Variants in SYK observed in about 807,000 individuals in gnomAD.
The protein encoded by SYK is spleen associated tyrosine kinase, also known as tyrosine-protein kinase SYK.
Under a neutral mutation model 77.8 loss-of-function variants are expected in SYK, and 16 were observed. The observed-to-expected ratio is 0.21, with a 90% CI of 0.14 to 0.31. The LOEUF (loss-of-function observed/expected upper bound fraction) is 0.31, where lower values mean the gene tolerates loss of function less well. SYK is among the 10% of genes least tolerant of loss of function. SYK has a pLI of 1.00. For synonymous variants in SYK, 312 were observed against 308.7 expected (o/e 1.01, Z -0.11); for missense variants, 529 against 814.4 (o/e 0.65, Z 4.26).
At chr9:90,841,154 TGTG>T (rs568997948) in intron 1 of SYK, among the ~76,000 whole-genome samples, 75 of 146,956 alleles carry the variant, frequency 5.1e-4, no homozygotes, top group African/African-American at 1.3e-3. Context: ...CATGTAGTGA[TGTG>T]GTGTGGTTTG....
chr9:90,825,091 A>T (rs1825627471), intron 1 of SYK, among the ~76,000 whole-genome samples: 1 of 150,910 alleles, frequency 6.6e-6, no homozygotes, highest in Non-Finnish European at 1.5e-5. Flanking sequence ...AATAAGAATA[A>T]TTACCATGTA....
chr9:90,814,942 T>C (rs1350541613), intron 1 of SYK, among the ~76,000 whole-genome samples: 60 of 152,196 alleles, frequency 3.9e-4, no homozygotes, highest in Non-Finnish European at 7.4e-5. Context: ...CTCCAAGCGG[T>C]AACACAGCCT....
At chr9:90,864,779 G>A (rs754316312) in intron 5 of SYK, 112 bp downstream of exon 5, 13 of 915,910 alleles carry the variant, frequency 1.4e-5, no homozygotes, top group African/African-American at 1.0e-4. Flanking sequence ...CTTTTTACGG[G>A]TTGATTAATA....
chr9:90,833,782 A>G lies in SYK; in HGVS notation c.-41-10076A>G, dbSNP rs546544821. On this transcript the variant is annotated intron_variant, in intron 1 of 13. Transcript: ENST00000375754. ...TTTAAAGGGCAAAGGTTGTATAGTC[A>G]GCTTTAGTCCTGGCATAGGGGAAAT... Among the ~76,000 whole-genome samples, 13 of 152,364 alleles carry G rather than the reference A, an allele frequency of 8.5e-5. No individual in the cohort carries two copies. The South Asian group carries it at 2.7e-3, about 32-fold the overall frequency.
intron 7 of SYK, among the ~76,000 whole-genome samples, chr9:90,867,995 G>A (rs1402079293): frequency 6.6e-6 from 1 of 151,966 alleles, no homozygotes; most frequent in Admixed American, 6.6e-5. Flanking sequence ...ATTACTTGGT[G>A]TTTTTACCGA....
intron 3 of SYK, among the ~76,000 whole-genome samples, chr9:90,858,935 G>A (rs936301677): frequency 6.6e-6 from 1 of 152,194 alleles, no homozygotes; most frequent in Non-Finnish European, 1.5e-5. Context: ...GGGATCGCCT[G>A]CAGAACCTGT....
At chr9:90,888,271 A>T (rs1828653214) in intron 12 of SYK, among the ~76,000 whole-genome samples, 1 of 152,174 alleles carries the variant, frequency 6.6e-6, no homozygotes, top group Non-Finnish European at 1.5e-5. Flanking sequence ...AATGAAACAT[A>T]CCCATGAAAT....
rs17568322 is a variant in SYK at position 90,879,993 on chromosome 9, C to T, written c.1581+1040C>T. 4.2e-3 allele frequency among the ~76,000 whole-genome samples: 633 copies of T among 152,302 alleles called. 5 individuals carry two copies. Among genetic ancestry groups the T allele is most frequent in the South Asian group, 0.036 (172 of 4,830 alleles). On this transcript the variant is annotated intron_variant, in intron 11 of 13. Coordinates refer to ENST00000375754, the MANE Select transcript of SYK (RefSeq NM_003177.7). ...GGGTCTATGTTAACCAACTGGAAAACGTGATGGCACCAATCCCACTGAGTC... is the reference window on the plus strand; with the variant it reads ...GGGTCTATGTTAACCAACTGGAAAATGTGATGGCACCAATCCCACTGAGTC...
chr9:90,870,743 A>G (rs1355379951), intron 7 of SYK, among the ~76,000 whole-genome samples: 2 of 152,158 alleles, frequency 1.3e-5, no homozygotes, highest in Non-Finnish European at 2.9e-5. Flanking sequence ...AATTCCACCA[A>G]AAAAAGGAAA....
chr9:90,857,793 A>C (rs12376537), intron 3 of SYK, among the ~76,000 whole-genome samples: 31,145 of 151,814 alleles, frequency 0.21, 3,562 homozygotes, highest in Middle Eastern at 0.33. Context: ...CCAACCCAGC[A>C]CAGGCCCCCT....
In SYK at chr9:90,895,440, C is replaced by T; in HGVS notation, c.1836-88C>T. Reference sequence around the variant, plus strand: ...AGTTAGCCACCAGGGAGCAGCACCACTGGTACTCAGCCTGCAGAGGCCCTG... The same window carrying T: ...AGTTAGCCACCAGGGAGCAGCACCATTGGTACTCAGCCTGCAGAGGCCCTG... On this transcript the variant is annotated intron_variant, in intron 13 of 13. Coordinates refer to ENST00000375754, the MANE Select transcript of SYK (RefSeq NM_003177.7). This position sits in a 1 kb window ranked among gnomAD's most constrained non-coding sequence, Gnocchi z 4.4. The T allele has an allele frequency of 7.1e-7, 1 of 1,404,064 alleles. No individual in the cohort carries two copies. The highest frequency in any genetic ancestry group is 2.3e-5 in the East Asian group (1 of 43,810). The allele number at this position is 1,404,064 out of a possible 1,614,324, so 87.0% of individuals were successfully genotyped here.
intron 1 of SYK, among the ~76,000 whole-genome samples, chr9:90,829,717 A>G (rs1247694190): frequency 6.6e-6 from 1 of 152,240 alleles, no homozygotes; most frequent in African/African-American, 2.4e-5. Context: ...CTCAACAAGC[A>G]TATTGAATGA....
intron 1 of SYK, among the ~76,000 whole-genome samples, chr9:90,832,584 G>C (rs776115227): frequency 6.6e-6 from 1 of 152,262 alleles, no homozygotes; most frequent in African/African-American, 2.4e-5. Context: ...TTAGCTCCAC[G>C]TACCTCTTCA....
intron 4 of SYK, among the ~76,000 whole-genome samples, 198 bp from the exon 5 acceptor site, chr9:90,864,391 C>A (rs1220461289): frequency 6.6e-6 from 1 of 152,172 alleles, no homozygotes; most frequent in East Asian, 1.9e-4. Context: ...AATTTGCTGC[C>A]CCTAGCCCAA....
rs188982824 is a variant in SYK at position 90,843,537 on chromosome 9, A to G, written c.-41-321A>G. Among the ~76,000 whole-genome samples, 1,053 of 152,244 alleles carry G rather than the reference A, an allele frequency of 6.9e-3. 6 individuals carry two copies. Among genetic ancestry groups the G allele is most frequent in the Non-Finnish European group, 9.8e-3 (666 of 68,020 alleles). On this transcript the variant is annotated intron_variant, in intron 1 of 13. Coordinates refer to ENST00000375754, the MANE Select transcript of SYK (RefSeq NM_003177.7). ...GTCAGCCCAAGAGTCCTGTTTTGCA[A>G]TAGCCCTTCTGTTTGCTTCTCTTTG...
intron 3 of SYK, among the ~76,000 whole-genome samples, chr9:90,857,679 A>G (rs1827095308): frequency 6.6e-6 from 1 of 152,132 alleles, no homozygotes. Flanking sequence ...GCTGACATAC[A>G]CACTGTTCAG....
At chr9:90,802,874 A>T (rs548513648) in intron 1 of SYK, among the ~76,000 whole-genome samples, 1 of 144,026 alleles carries the variant, frequency 6.9e-6, no homozygotes, top group South Asian at 2.3e-4. Context: ...TTAAAAATAA[A>T]AAAAGGAACC....
At chr9:90,894,923 G>A (rs1828926727) in intron 13 of SYK, among the ~76,000 whole-genome samples, 1 of 152,192 alleles carries the variant, frequency 6.6e-6, no homozygotes, top group Admixed American at 6.5e-5. Flanking sequence ...CTATATTAAG[G>A]TGGATCATAG....
At chr9:90,876,708 G>T (rs953141084) in intron 9 of SYK, among the ~76,000 whole-genome samples, 2 of 152,210 alleles carry the variant, frequency 1.3e-5, no homozygotes, top group African/African-American at 2.4e-5. Context: ...GGGGCAAAAT[G>T]ATGTCTTTAC....
Sources: gnomAD v4.1 joint callset for allele counts (sites outside exome capture counted in the v4.1 genomes callset) on GRCh38, gnomAD v4.1.1 for gene constraint, Gnocchi (gnomAD v3.1) non-coding constraint, MANE v1.5 for transcripts, NCBI Gene and HGNC (gene_info 2026-07-23, HGNC 2026-07-21) for gene names.